MBNL2: variants seen among roughly 807,000 people sequenced by gnomAD.
The protein encoded by MBNL2 is muscleblind-like protein 2.
In MBNL2, 17 loss-of-function variants were observed where a neutral mutation model predicts 41.9. The ratio of observed to expected loss-of-function variants is 0.41; its 90% CI spans 0.28 to 0.61. The LOEUF is 0.61. Ranked by LOEUF, MBNL2 falls within the 20% of genes least tolerant of loss-of-function variation. The pLI is 0.35. For missense variants in MBNL2, 336 were observed against 505.6 expected, an observed-to-expected ratio of 0.66 and a Z score of 3.22; for synonymous variants, 195 against 182.9, an observed-to-expected ratio of 1.07 and a Z score of -0.53.
At chr13:97,203,583 T>G in the MBNL2 span, among the ~76,000 whole-genome samples, 2 of 152,144 alleles carry the variant, frequency 1.3e-5, no homozygotes, top group African/African-American at 2.4e-5. Flanking sequence ...CTTACTTCCT[T>G]TTGGTGTTTG....
chr13:97,192,191 T>C, the MBNL2 span, among the ~76,000 whole-genome samples: 2 of 152,126 alleles, frequency 1.3e-5, no homozygotes, highest in African/African-American at 2.4e-5. Flanking sequence ...TATTAAAGCA[T>C]ATGGATTCAG....
the MBNL2 span, among the ~76,000 whole-genome samples, chr13:97,197,231 A>T: frequency 6.6e-6 from 1 of 152,186 alleles, no homozygotes; most frequent in Non-Finnish European, 1.5e-5. Context: ...TATTTTTATT[A>T]AAAAATTATT....
rs573499935 is a variant in MBNL2 at position 97,331,104 on chromosome 13, C to T, written c.175-3172C>T. The stretch of plus-strand genomic sequence containing the variant: ...AAGAATCAAAGAGCCAGTCAAAATA[C>T]TACTAAATGTATGATTCTGTACTTA... On this transcript the variant is annotated intron_variant, in intron 2 of 8. Transcript: ENST00000679496. Among the ~76,000 whole-genome samples, 171 of 152,302 alleles carry T rather than the reference C, an allele frequency of 1.1e-3. 4 individuals carry two copies. The South Asian group carries it at 0.035, about 32-fold the overall frequency.
chr13:97,143,985 A>C, the MBNL2 span, among the ~76,000 whole-genome samples: 13 of 151,978 alleles, frequency 8.6e-5, no homozygotes, highest in Non-Finnish European at 1.6e-4. Context: ...CTGGGATTAC[A>C]GGCTCCCGCC....
At chr13:97,241,809 C>G (rs2044334901) in intron 1 of MBNL2, among the ~76,000 whole-genome samples, 1 of 152,094 alleles carries the variant, frequency 6.6e-6, no homozygotes, top group Admixed American at 6.6e-5. Context: ...GAGGGAGGGG[C>G]CATCAGAGTT....
chr13:97,217,030 A>G (rs1202188217), upstream of MBNL2, among the ~76,000 whole-genome samples: 1 of 145,292 alleles, frequency 6.9e-6, no homozygotes, highest in Non-Finnish European at 1.5e-5. Flanking sequence ...TACATATAAC[A>G]TAATATACAC....
chr13:97,342,853 G>A (rs2061542046), intron 3 of MBNL2, among the ~76,000 whole-genome samples, 163 bp from the exon 4 acceptor site: 2 of 152,170 alleles, frequency 1.3e-5, no homozygotes, highest in African/African-American at 4.8e-5. Flanking sequence ...GTTTGGGGAA[G>A]AGAGGGTCTA....
At chr13:97,180,491 C>G in the MBNL2 span, among the ~76,000 whole-genome samples, 1 of 151,978 alleles carries the variant, frequency 6.6e-6, no homozygotes, top group Non-Finnish European at 1.5e-5. Flanking sequence ...AATCCCAGCA[C>G]TTTGGGAAGC....
chr13:97,265,171 A>G (rs1200006517), intron 1 of MBNL2, among the ~76,000 whole-genome samples: 2 of 152,222 alleles, frequency 1.3e-5, no homozygotes, highest in Non-Finnish European at 2.9e-5. Flanking sequence ...CATTCCTGGA[A>G]ATGGCAATGA....
chr13:97,315,747 T>C (rs12019957), intron 2 of MBNL2, among the ~76,000 whole-genome samples: 38,643 of 152,004 alleles, frequency 0.25, 5,460 homozygotes, highest in African/African-American at 0.39. Context: ...GGGCTTGGAC[T>C]GGAAAGGAAG....
chr13:97,221,499 A>G (rs914870161), upstream of MBNL2: 1 of 152,202 alleles, frequency 6.6e-6, no homozygotes, highest in Non-Finnish European at 1.5e-5. Context: ...CCCTTGGATC[A>G]TGTACCCCTT....
the MBNL2 span, among the ~76,000 whole-genome samples, chr13:97,207,644 A>T: frequency 6.6e-6 from 1 of 152,206 alleles, no homozygotes; most frequent in Admixed American, 6.5e-5. Flanking sequence ...TTGGGTGGGA[A>T]CAGAGCCAAA....
chr13:97,340,304 G>C (rs1254099377), intron 3 of MBNL2, among the ~76,000 whole-genome samples: 1 of 152,128 alleles, frequency 6.6e-6, no homozygotes. Context: ...GTCTGTCTTC[G>C]TAAGGCCTAT....
At chr13:97,153,369 CAA>C in the MBNL2 span, among the ~76,000 whole-genome samples, 1 of 151,684 alleles carries the variant, frequency 6.6e-6, no homozygotes, top group African/African-American at 2.4e-5. Flanking sequence ...AGTGAAAAAT[CAA>C]AAGTTTAGTC....
At chr13:97,304,666 T>C (rs909434295) in intron 2 of MBNL2, among the ~76,000 whole-genome samples, 2 of 152,274 alleles carry the variant, frequency 1.3e-5, no homozygotes, top group East Asian at 1.9e-4. Flanking sequence ...AATAGTAATA[T>C]CTAGTCTGCT....
chr13:97,334,224 T>C lies in MBNL2; in HGVS notation c.175-52T>C. 1 of 1,449,128 alleles carries C rather than the reference T, an allele frequency of 6.9e-7. No individual in the cohort carries two copies. 89.8% of individuals were successfully genotyped at this position (1,449,128 alleles called of 1,614,324 possible). A position where few individuals can be genotyped will look rare whatever the true frequency, so the allele number is the denominator to read the frequency against. On this transcript the variant is annotated intron_variant, in intron 2 of 8. Transcript: ENST00000679496. This position sits in a 1 kb window ranked among gnomAD's most constrained non-coding sequence, Gnocchi z 5.3. ...GAAGTGATTGTTCAGTGGTTGACTT[T>C]GGAGTTGCAAGCTACTTAAAATAGT...
At chr13:97,179,857 T>A in the MBNL2 span, among the ~76,000 whole-genome samples, 1 of 152,170 alleles carries the variant, frequency 6.6e-6, no homozygotes, top group African/African-American at 2.4e-5. Flanking sequence ...AGGGGGTCAG[T>A]GACCAGAGAT....
intron 2 of MBNL2, among the ~76,000 whole-genome samples, chr13:97,292,424 A>G (rs980519170): frequency 2.6e-5 from 4 of 152,226 alleles, no homozygotes; most frequent in African/African-American, 9.6e-5. Flanking sequence ...TTCTGTAGAA[A>G]ATCCTACTAA....
At chr13:97,205,395 A>T in the MBNL2 span, among the ~76,000 whole-genome samples, 1 of 151,650 alleles carries the variant, frequency 6.6e-6, no homozygotes, top group Non-Finnish European at 1.5e-5. Context: ...GTCTAAAAAA[A>T]ATAAAAAATA....
Sources: gnomAD v4.1 joint callset for allele counts (sites outside exome capture counted in the v4.1 genomes callset) on GRCh38, gnomAD v4.1.1 for gene constraint, Gnocchi (gnomAD v3.1) non-coding constraint, MANE v1.5 for transcripts, NCBI Gene and HGNC (gene_info 2026-07-23, HGNC 2026-07-21) for gene names.